The following AFF3 variants were observed in gnomAD, a reference collection of about 807,000 sequenced individuals.
AFF3 encodes the protein ALF transcription elongation factor 3.
AFF3 carries 32 observed loss-of-function variants against 129.7 expected under a neutral mutation model. The observed-to-expected ratio is 0.25, with a 90% CI of 0.19 to 0.33. The LOEUF (loss-of-function observed/expected upper bound fraction) is 0.33. Ranked by LOEUF, AFF3 falls within the 10% of genes least tolerant of loss-of-function variation. AFF3 has a pLI of 1.00. For synonymous variants in AFF3, 644 were observed against 635.4 expected (o/e 1.01, Z -0.20); for missense variants, 1,373 against 1,592.0 (o/e 0.86, Z 2.34).
chr2:99,970,252 C>G (rs939445940), intron 7 of AFF3, among the ~76,000 whole-genome samples: 1 of 152,148 alleles, frequency 6.6e-6, no homozygotes, highest in South Asian at 2.1e-4. Flanking sequence ...CCACCTGTGA[C>G]CCAGAGACGT....
chr2:99,603,005 TG>T (rs995371090), intron 13 of AFF3, among the ~76,000 whole-genome samples: 1 of 152,180 alleles, frequency 6.6e-6, no homozygotes, highest in Non-Finnish European at 1.5e-5. Flanking sequence ...CTTTCCCTAG[TG>T]GGGTTTTCAT....
At chr2:100,135,556 C>A (rs111873662) in intron 1 of AFF3, among the ~76,000 whole-genome samples, 60 of 152,172 alleles carry the variant, frequency 3.9e-4, no homozygotes, top group Non-Finnish European at 7.5e-4. Context: ...AGCTCCAAGG[C>A]ACCAGACGTG....
intron 13 of AFF3, among the ~76,000 whole-genome samples, chr2:99,619,940 C>T (rs570963518): frequency 2.1e-4 from 32 of 152,326 alleles, no homozygotes; most frequent in Admixed American, 2.6e-4. Flanking sequence ...GGATGGAGGA[C>T]GACCAACCTC....
intron 13 of AFF3, 88 bp from the exon 14 acceptor site, chr2:99,601,709 A>AT: frequency 6.8e-7 from 1 of 1,461,854 alleles, no homozygotes; most frequent in South Asian, 1.3e-5. Flanking sequence ...CATGCACCCT[A>AT]AAGAGGGAGG....
intron 4 of AFF3, among the ~76,000 whole-genome samples, chr2:100,054,889 C>T (rs1686638142): frequency 6.6e-6 from 1 of 152,188 alleles, no homozygotes; most frequent in African/African-American, 2.4e-5. Flanking sequence ...AAGCACTACC[C>T]CAGGTGACTC....
intron 7 of AFF3, among the ~76,000 whole-genome samples, chr2:99,941,356 C>T (rs1228320271): frequency 1.3e-5 from 2 of 152,176 alleles, no homozygotes; most frequent in East Asian, 1.9e-4. Flanking sequence ...TGAACAGCCT[C>T]GTGGGCAGTT....
intron 12 of AFF3, among the ~76,000 whole-genome samples, chr2:99,651,797 C>T (rs1428150836): frequency 6.6e-6 from 1 of 152,010 alleles, no homozygotes; most frequent in African/African-American, 2.4e-5. Flanking sequence ...TAGCCCATCA[C>T]ATTTAGATAT....
chr2:100,116,312 T>C (rs1691733436), intron 2 of AFF3, among the ~76,000 whole-genome samples: 3 of 152,276 alleles, frequency 2.0e-5, no homozygotes, highest in Non-Finnish European at 4.4e-5. Context: ...AAACTTTGCC[T>C]TTTAATTAAA....
chr2:99,691,013 C>A (rs1407494614), intron 11 of AFF3, among the ~76,000 whole-genome samples: 1 of 151,842 alleles, frequency 6.6e-6, no homozygotes, highest in Non-Finnish European at 1.5e-5. Context: ...GTTGGAGGGA[C>A]CCATTTCTCA....
intron 4 of AFF3, among the ~76,000 whole-genome samples, chr2:100,079,471 T>C (rs1688868169): frequency 6.6e-6 from 1 of 152,206 alleles, no homozygotes; most frequent in Admixed American, 6.5e-5. Flanking sequence ...GCAGATGCTG[T>C]CTAAACATAC....
chr2:99,724,911 C>T (rs969678118), intron 11 of AFF3, among the ~76,000 whole-genome samples: 2 of 152,090 alleles, frequency 1.3e-5, no homozygotes, highest in African/African-American at 4.8e-5. Context: ...GCTTCAAGCT[C>T]CCATTGTTTT....
chr2:99,560,421 T>C lies in AFF3; in HGVS notation c.3135A>G (p.Leu1045=), dbSNP rs1172962408. The C allele has an allele frequency of 5.0e-6, 8 of 1,614,132 alleles. No homozygotes were observed. The East Asian group carries it at 6.7e-5, about 13-fold the overall frequency. Residue 1045 remains leucine, a synonymous_variant, in exon 21 of 25, where the codon CTA becomes CTG. Coordinates refer to ENST00000672756, the MANE Select transcript of AFF3 (RefSeq NM_001386135.1). ...TGGCATTGGGGCCTGAGTGGGTTTT[T>C]AGTCTCATAGCATACCTTAGAAAAA... ...TVELIRYAMR[L]KTHSGPNATP... is the part of the protein sequence containing the mutation.
chr2:99,836,366 G>A (rs960715772), intron 8 of AFF3, among the ~76,000 whole-genome samples: 1 of 152,110 alleles, frequency 6.6e-6, no homozygotes, highest in African/African-American at 2.4e-5. Flanking sequence ...CCCCAGAATA[G>A]AGACAATATA....
rs185681049 is a variant in AFF3, at chr2:99,872,868, A to G, written c.874-35344T>C. 1.8e-3 allele frequency among the ~76,000 whole-genome samples: 269 copies of G among 152,222 alleles called. 2 individuals carry two copies. The South Asian group carries it at 0.019, about 11-fold the overall frequency. Reference sequence around the variant, plus strand: ...GTATTTAAGTTAAAGTAGTTGTCAAACTCCTGGTGGCAGATACAAGTTTTC... The same window carrying G: ...GTATTTAAGTTAAAGTAGTTGTCAAGCTCCTGGTGGCAGATACAAGTTTTC... On this transcript the variant is annotated intron_variant, in intron 7 of 24. Transcript: ENST00000672756.
chr2:100,024,621 A>AATT (rs775750332), intron 4 of AFF3, among the ~76,000 whole-genome samples: 14 of 151,462 alleles, frequency 9.2e-5, no homozygotes, highest in African/African-American at 3.2e-4. Context: ...AAATAATAAT[A>AATT]ATTATTATTA....
intron 12 of AFF3, among the ~76,000 whole-genome samples, chr2:99,658,116 G>A (rs1353806276): frequency 6.6e-6 from 1 of 152,228 alleles, no homozygotes; most frequent in African/African-American, 2.4e-5. Flanking sequence ...GATGCTATCA[G>A]TCAGAAGCAA....
intron 14 of AFF3, 118 bp downstream of exon 14, chr2:99,601,317 C>T (rs1395930749): frequency 5.6e-6 from 7 of 1,249,880 alleles, no homozygotes; most frequent in Non-Finnish European, 5.2e-6. Flanking sequence ...CAGCACCTGG[C>T]TTGGGGTCTG....
intron 7 of AFF3, among the ~76,000 whole-genome samples, chr2:99,928,016 GCT>G (rs529868575): frequency 6.6e-6 from 1 of 152,080 alleles, no homozygotes; most frequent in Non-Finnish European, 1.5e-5. Context: ...CCCTACACAA[GCT>G]CTCTCTCTGC....
At chr2:99,601,283 C>T (rs548676147) in intron 14 of AFF3, 152 bp downstream of exon 14, 63 of 905,382 alleles carry the variant, frequency 7.0e-5, no homozygotes, top group Middle Eastern at 7.5e-4. Flanking sequence ...ATGTGGAGCC[C>T]GAAGCCCATA....
Sources: allele counts gnomAD v4.1 joint callset (sites outside exome capture counted in the v4.1 genomes callset), GRCh38; gene constraint gnomAD v4.1.1; transcripts MANE v1.5; gene names NCBI Gene and HGNC (gene_info 2026-07-23, HGNC 2026-07-21).